The following ZNF518A variants were observed in gnomAD, a reference collection of about 807,000 sequenced individuals.
ZNF518A encodes zinc finger protein 518A.
ZNF518A carries 47 observed loss-of-function variants against 102.7 expected under a neutral mutation model. The observed-to-expected ratio is 0.46, with a 90% CI of 0.36 to 0.58. The LOEUF is 0.58. Among genes scored for constraint, ZNF518A ranks in the 20% least tolerant of loss-of-function variants. ZNF518A has a pLI of 0.00. For missense variants in ZNF518A, 1,793 were observed against 1,699.8 expected, an observed-to-expected ratio of 1.05 and a Z score of -0.96; for synonymous variants, 652 against 594.6, an observed-to-expected ratio of 1.10 and a Z score of -1.40.
chr10:96,153,182 G>C (rs906427428), intron 3 of ZNF518A, among the ~76,000 whole-genome samples: 2 of 152,214 alleles, frequency 1.3e-5, no homozygotes, highest in Admixed American at 6.5e-5. Flanking sequence ...GCAGGAGGAA[G>C]AGAGTATCCT....
intron 3 of ZNF518A, among the ~76,000 whole-genome samples, chr10:96,150,786 A>ACC (rs1554880177): frequency 2.0e-4 from 20 of 98,828 alleles, no homozygotes; most frequent in African/African-American, 8.1e-4. Flanking sequence ...TCACTCTGTC[A>ACC]CTCAGCCTGG....
At chr10:96,198,015 T>C (rs1438366832) in intron 1 of ZNF518A, among the ~76,000 whole-genome samples, 2 of 150,956 alleles carry the variant, frequency 1.3e-5, no homozygotes, top group African/African-American at 4.8e-5. Flanking sequence ...TTTAGAATCA[T>C]AAAATAAAAA....
At chr10:96,168,572 A>G (rs1460724660), downstream of ZNF518A, among the ~76,000 whole-genome samples, 2 of 151,992 alleles carry the variant, frequency 1.3e-5, no homozygotes, top group African/African-American at 2.4e-5. Flanking sequence ...CTATCTATGA[A>G]TATCTTAATT....
chr10:96,171,906 T>A (rs1418230701), intron 1 of ZNF518A, among the ~76,000 whole-genome samples: 1 of 151,960 alleles, frequency 6.6e-6, no homozygotes, highest in Non-Finnish European at 1.5e-5. Flanking sequence ...CTTGAAATTA[T>A]CATAAGAAAA....
chr10:96,193,731 G>C (rs1266273498), intron 1 of ZNF518A, among the ~76,000 whole-genome samples: 1 of 152,166 alleles, frequency 6.6e-6, no homozygotes, highest in Non-Finnish European at 1.5e-5. Flanking sequence ...TGTCAAAACT[G>C]TAAAATTACT....
downstream of ZNF518A, among the ~76,000 whole-genome samples, chr10:96,165,315 C>T (rs1479005205): frequency 2.0e-5 from 3 of 152,056 alleles, no homozygotes; most frequent in Non-Finnish European, 2.9e-5. Flanking sequence ...ACCATGTTGG[C>T]TAGGCTGGTC....
chr10:96,157,012 T>C lies in ZNF518A; in HGVS notation c.690T>C (p.Asn230=), dbSNP rs1554882933. 1 of 1,613,804 alleles carries C rather than the reference T, an allele frequency of 6.2e-7. No individual in the cohort carries two copies. The highest frequency in any genetic ancestry group is 1.1e-5 in the South Asian group (1 of 91,056). Residue 230 remains asparagine, a synonymous_variant, in exon 6 of 6, where the codon AAT becomes AAC. Transcript: ENST00000316045. ...GTFVQHIHRH[N]EIHYKCGKCH... is the part of the protein sequence containing the mutation. ...TTGTTCAGCACATTCATAGACATAA[T>C]GAAATTCATTATAAGTGTGGTAAAT...
Position 96,158,522 on chromosome 10 carries a change from T to C in ZNF518A, c.2200T>C (p.Tyr734His). Reference sequence around the variant, plus strand: ...ACAAAACATTGATGGACAAAACCTGTACAGTAATGAAAATCAAAATTTAGA... The same window carrying C: ...ACAAAACATTGATGGACAAAACCTGCACAGTAATGAAAATCAAAATTTAGA... ...KGQNIDGQNL[Y>H]SNENQNLECA... is the part of the protein sequence containing the mutation. The change falls in exon 6 of 6, where the codon TAC becomes CAC. Residue 734 changes from tyrosine (Y) to histidine (H), a missense_variant. Tyr to His is a moderately conservative substitution (Grantham distance 83). Coordinates refer to ENST00000316045, the MANE Select transcript of ZNF518A (RefSeq NM_001330736.2). The C allele has an allele frequency of 6.2e-7, 1 of 1,612,782 alleles. No homozygotes were observed. Among genetic ancestry groups the C allele is most frequent in the Non-Finnish European group, 8.5e-7 (1 of 1,179,518 alleles).
intron 1 of ZNF518A, chr10:96,190,034 C>G: frequency 1.2e-6 from 1 of 809,182 alleles, no homozygotes; most frequent in Non-Finnish European, 2.2e-6. Flanking sequence ...TTCATTGCCT[C>G]TGCTTCAACA....
intron 3 of ZNF518A, among the ~76,000 whole-genome samples, chr10:96,136,832 C>A (rs117115232): frequency 6.6e-6 from 1 of 152,116 alleles, no homozygotes; most frequent in East Asian, 1.9e-4. Flanking sequence ...CTCAGAGCCT[C>A]GCATCTGACC....
Position 96,201,117 on chromosome 10 carries a change from G to A in ZNF518A, n.36-2457G>A, listed in dbSNP as rs1322189305. 5 of 1,436,534 alleles carry A rather than the reference G, an allele frequency of 3.5e-6. No individual in the cohort carries two copies. In the African/African-American group the frequency reaches 7.0e-5, roughly 20 times the overall value. The allele number at this position is 1,436,534 out of a possible 1,614,324, so 89.0% of individuals were successfully genotyped here. On this transcript the variant is annotated intron_variant and non_coding_transcript_variant, in intron 1 of 2. Transcript: ENST00000442635. Reference sequence around the variant, plus strand: ...TTCATATTTCTTGAACTCTTTCTATGCCTATCCCCTAACACTGTACTAGGT... The same window carrying A: ...TTCATATTTCTTGAACTCTTTCTATACCTATCCCCTAACACTGTACTAGGT...
At chr10:96,148,134 A>G (rs1477318248) in intron 3 of ZNF518A, among the ~76,000 whole-genome samples, 1 of 152,096 alleles carries the variant, frequency 6.6e-6, no homozygotes, top group Non-Finnish European at 1.5e-5. Flanking sequence ...CCTAGAAATC[A>G]ATGAGTTTTA....
chr10:96,177,357 G>T (rs1040889601), intron 1 of ZNF518A, among the ~76,000 whole-genome samples: 3 of 152,120 alleles, frequency 2.0e-5, no homozygotes, highest in Non-Finnish European at 2.9e-5. Flanking sequence ...AGATAATTCA[G>T]CACAACTGCG....
chr10:96,194,147 C>T (rs999242081), intron 1 of ZNF518A, among the ~76,000 whole-genome samples: 3 of 152,130 alleles, frequency 2.0e-5, no homozygotes, highest in African/African-American at 4.8e-5. Flanking sequence ...AATCCAGAGC[C>T]CCTCAGGGAG....
chr10:96,204,365 A>T, downstream of ZNF518A: 1 of 823,272 alleles, frequency 1.2e-6, no homozygotes, highest in Non-Finnish European at 2.0e-6. Context: ...AACTCTACAC[A>T]GTTATTTTAA....
intron 3 of ZNF518A, among the ~76,000 whole-genome samples, chr10:96,154,865 T>C (rs1028121782): frequency 9.9e-5 from 15 of 152,220 alleles, no homozygotes; most frequent in African/African-American, 3.4e-4. Context: ...TAATTTATTA[T>C]AGATCTCTTA....
At chr10:96,190,625 AT>A (rs1438725118) in intron 1 of ZNF518A, among the ~76,000 whole-genome samples, 1 of 152,196 alleles carries the variant, frequency 6.6e-6, no homozygotes, top group African/African-American at 2.4e-5. Flanking sequence ...TTACCCTGAA[AT>A]TATTACCTTC....
At chr10:96,199,881 G>A (rs2083583634) in intron 1 of ZNF518A, 2 of 303,058 alleles carry the variant, frequency 6.6e-6, no homozygotes, top group South Asian at 1.4e-4. Flanking sequence ...AAAATTAGCC[G>A]GGCTTGGGGG....
intron 1 of ZNF518A, chr10:96,189,642 GC>G: frequency 1.4e-6 from 1 of 710,962 alleles, no homozygotes; most frequent in South Asian, 1.4e-5. Flanking sequence ...TGCATTTTTG[GC>G]TGGAGTATGT....
Sources: gnomAD v4.1 joint callset for allele counts (sites outside exome capture counted in the v4.1 genomes callset) on GRCh38, gnomAD v4.1.1 for gene constraint, MANE v1.5 for transcripts, NCBI Gene and HGNC (gene_info 2026-07-23, HGNC 2026-07-21) for gene names.